The following ROBO1 variants were observed in gnomAD, a reference collection of about 807,000 sequenced individuals.
The protein encoded by ROBO1 is roundabout guidance receptor 1.
In ROBO1, 149 loss-of-function variants were observed where a neutral mutation model predicts 195.9. The observed-to-expected ratio is 0.76, with a 90% CI of 0.67 to 0.87. The LOEUF is 0.87. ROBO1 is among the 40% of genes least tolerant of loss of function. ROBO1 has a pLI of 0.00. For synonymous variants in ROBO1, 816 were observed against 733.2 expected, an observed-to-expected ratio of 1.11 and a Z score of -1.82; for missense variants, 1,933 against 2,068.3, an observed-to-expected ratio of 0.93 and a Z score of 1.27.
At chr3:78,897,724 A>G (rs2037322764) in intron 4 of ROBO1, among the ~76,000 whole-genome samples, 1 of 152,134 alleles carries the variant, frequency 6.6e-6, no homozygotes, top group Non-Finnish European at 1.5e-5. Context: ...TTACTTTTCA[A>G]TGCATTTGCT....
intron 8 of ROBO1, among the ~76,000 whole-genome samples, chr3:78,711,346 TCCTCCTTCCTTCCTTCCTTCCTTCCTTC>T (rs2081696466): frequency 1.9e-5 from 1 of 53,648 alleles, no homozygotes; most frequent in Non-Finnish European, 3.7e-5. Flanking sequence ...CTTCCTTCCT[TCCTCCTTCCTTCCTTCCTTCCTTCCTTC>T]CTTCCTTCCT....
At chr3:79,010,358 T>C (rs1168891933) in intron 3 of ROBO1, among the ~76,000 whole-genome samples, 1 of 152,148 alleles carries the variant, frequency 6.6e-6, no homozygotes, top group Non-Finnish European at 1.5e-5. Flanking sequence ...TTGAACCTCA[T>C]TTTTCATACT....
intron 10 of ROBO1, among the ~76,000 whole-genome samples, chr3:78,683,947 C>A (rs957022698): frequency 6.6e-6 from 1 of 151,872 alleles, no homozygotes; most frequent in Admixed American, 6.6e-5. Context: ...ATTACTTAAT[C>A]CCTAAAACCA....
intron 2 of ROBO1, among the ~76,000 whole-genome samples, chr3:79,187,797 G>A (rs2081467709): frequency 6.6e-6 from 1 of 151,900 alleles, no homozygotes; most frequent in South Asian, 2.1e-4. Context: ...AAACAAACCT[G>A]AATTTATTTT....
chr3:79,717,426 A>C (rs1702534953), intron 1 of ROBO1, among the ~76,000 whole-genome samples: 1 of 152,010 alleles, frequency 6.6e-6, no homozygotes, highest in African/African-American at 2.4e-5. Flanking sequence ...AAAAGTTTGT[A>C]GACCCTGAAC....
At chr3:79,212,165 C>T (rs1001156783) in intron 2 of ROBO1, among the ~76,000 whole-genome samples, 1 of 152,106 alleles carries the variant, frequency 6.6e-6, no homozygotes, top group Non-Finnish European at 1.5e-5. Context: ...GCTCTCATTC[C>T]GGTAAACCCA....
intron 2 of ROBO1, among the ~76,000 whole-genome samples, chr3:79,441,015 A>T (rs574964925): frequency 6.6e-6 from 1 of 152,290 alleles, no homozygotes; most frequent in African/African-American, 2.4e-5. Context: ...CATACGGAGC[A>T]ATTCATATCA....
chr3:79,359,542 T>G (rs2035684659), intron 2 of ROBO1, among the ~76,000 whole-genome samples: 1 of 152,028 alleles, frequency 6.6e-6, no homozygotes, highest in Non-Finnish European at 1.5e-5. Flanking sequence ...ATGTTGATCT[T>G]GTTTAAAGGG....
intron 4 of ROBO1, among the ~76,000 whole-genome samples, chr3:78,828,113 A>C (rs1215878599): frequency 6.6e-6 from 1 of 152,240 alleles, no homozygotes; most frequent in East Asian, 1.9e-4. Flanking sequence ...GTATAATCAG[A>C]GAAGTTTCAG....
intron 3 of ROBO1, among the ~76,000 whole-genome samples, chr3:78,999,046 T>C (rs929754672): frequency 2.0e-5 from 3 of 151,990 alleles, no homozygotes; most frequent in Admixed American, 6.6e-5. Flanking sequence ...AGAATGGCTA[T>C]TATTAAAGTC....
At chr3:79,235,225 C>T (rs912170575) in intron 2 of ROBO1, among the ~76,000 whole-genome samples, 6 of 152,024 alleles carry the variant, frequency 3.9e-5, no homozygotes, top group African/African-American at 1.2e-4. Flanking sequence ...AAATTATACA[C>T]AGTAGTCTAA....
chr3:78,643,794 G>A (rs1706114140), intron 21 of ROBO1, among the ~76,000 whole-genome samples: 1 of 152,106 alleles, frequency 6.6e-6, no homozygotes, highest in African/African-American at 2.4e-5. Context: ...TAATGCTAAT[G>A]AAGGTATTAT....
intron 2 of ROBO1, among the ~76,000 whole-genome samples, chr3:79,129,088 T>C (rs1037018946): frequency 6.6e-6 from 1 of 152,192 alleles, no homozygotes; most frequent in Non-Finnish European, 1.5e-5. Context: ...TTTATTTCCA[T>C]TGGTGATTCA....
At chr3:79,204,880 G>T (rs1420282976) in intron 2 of ROBO1, among the ~76,000 whole-genome samples, 1 of 151,832 alleles carries the variant, frequency 6.6e-6, no homozygotes, top group South Asian at 2.1e-4. Context: ...CTTTTCTTGC[G>T]GTTACGTCTT....
intron 3 of ROBO1, among the ~76,000 whole-genome samples, chr3:78,961,059 T>C (rs2041320549): frequency 1.3e-5 from 2 of 152,180 alleles, no homozygotes; most frequent in South Asian, 2.1e-4. Flanking sequence ...TTTTGAACCA[T>C]AATGTACAAA....
At chr3:79,189,529 T>C (rs1163363182) in intron 2 of ROBO1, among the ~76,000 whole-genome samples, 2 of 151,652 alleles carry the variant, frequency 1.3e-5, no homozygotes, top group African/African-American at 4.8e-5. Context: ...AGCTATAAAA[T>C]GCTAGCATTA....
intron 3 of ROBO1, among the ~76,000 whole-genome samples, chr3:78,973,454 C>G (rs557228919): frequency 7.2e-5 from 10 of 139,842 alleles, no homozygotes; most frequent in African/African-American, 2.7e-4. Flanking sequence ...ATACAAGAAG[C>G]TATATATATA....
chr3:79,592,863 T>C (rs989475678), intron 1 of ROBO1, among the ~76,000 whole-genome samples: 1 of 152,082 alleles, frequency 6.6e-6, no homozygotes, highest in African/African-American at 2.4e-5. Flanking sequence ...ATAGTTTCAC[T>C]GCCCTAAAAA....
At chr3:79,440,122 C>T (rs1033624079) in intron 2 of ROBO1, among the ~76,000 whole-genome samples, 2 of 152,022 alleles carry the variant, frequency 1.3e-5, no homozygotes, top group Non-Finnish European at 2.9e-5. Context: ...GAACCTGCCA[C>T]GAAGCCAGTC....
Sources: gnomAD v4.1 joint callset for allele counts (sites outside exome capture counted in the v4.1 genomes callset) on GRCh38, gnomAD v4.1.1 for gene constraint, MANE v1.5 for transcripts, NCBI Gene and HGNC (gene_info 2026-07-23, HGNC 2026-07-21) for gene names.